The following PTPRD variants were observed in gnomAD, a reference collection of about 807,000 sequenced individuals.
PTPRD encodes the protein receptor-type tyrosine-protein phosphatase delta.
A neutral mutation model predicts 214.5 loss-of-function variants in PTPRD; 34 were observed. The ratio of observed to expected loss-of-function variants is 0.16; its 90% confidence interval spans 0.12 to 0.21. The LOEUF (loss-of-function observed/expected upper bound fraction) is 0.21. Ranked by LOEUF, PTPRD falls within the 10% of genes least tolerant of loss-of-function variation. The pLI is 1.00. For synonymous variants in PTPRD, 1,128 were observed against 845.7 expected, an observed-to-expected ratio of 1.33 and a Z score of -5.79; for missense variants, 2,545 against 2,398.7, an observed-to-expected ratio of 1.06 and a Z score of -1.27.
chr9:9,767,581 T>C (rs1328341933), intron 5 of PTPRD, among the ~76,000 whole-genome samples: 2 of 152,052 alleles, frequency 1.3e-5, no homozygotes, highest in African/African-American at 4.8e-5. Flanking sequence ...AGAACTCACA[T>C]TGCAAATGTG....
intron 8 of PTPRD, among the ~76,000 whole-genome samples, chr9:9,561,730 C>G (rs556091830): frequency 1.5e-4 from 23 of 152,308 alleles, no homozygotes; most frequent in African/African-American, 5.5e-4. Flanking sequence ...AAATCTGTTT[C>G]TCTTCAGAGG....
intron 10 of PTPRD, among the ~76,000 whole-genome samples, chr9:9,095,484 G>T (rs1308178822): frequency 6.6e-6 from 1 of 152,142 alleles, no homozygotes; most frequent in Non-Finnish European, 1.5e-5. Context: ...CAACACATTT[G>T]TAGTATATTA....
intron 4 of PTPRD, among the ~76,000 whole-genome samples, chr9:9,944,392 GGCTGGCACT>G (rs537217093): frequency 0.038 from 5,841 of 152,116 alleles, 137 homozygotes; most frequent in Non-Finnish European, 0.056. Flanking sequence ...CTAGCACTAA[GGCTGGCACT>G]TAAAATACAG....
intron 9 of PTPRD, among the ~76,000 whole-genome samples, chr9:9,262,494 T>C (rs2099980573): frequency 6.6e-6 from 1 of 151,536 alleles, no homozygotes; most frequent in South Asian, 2.1e-4. Context: ...AATAGTCACA[T>C]GTAGCTAAAG....
intron 3 of PTPRD, among the ~76,000 whole-genome samples, chr9:10,335,250 T>A (rs1035126138): frequency 6.6e-6 from 1 of 151,614 alleles, no homozygotes; most frequent in Non-Finnish European, 1.5e-5. Flanking sequence ...AAAAGATCAA[T>A]GGAACAGAAA....
intron 3 of PTPRD, among the ~76,000 whole-genome samples, chr9:10,299,372 T>C (rs1266551786): frequency 2.0e-5 from 3 of 152,160 alleles, no homozygotes; most frequent in African/African-American, 7.2e-5. Flanking sequence ...AGAACTTCCC[T>C]GGAAGGCAAG....
At chr9:10,133,625 AC>A (rs1322612781) in intron 3 of PTPRD, among the ~76,000 whole-genome samples, 1 of 152,128 alleles carries the variant, frequency 6.6e-6, no homozygotes, top group African/African-American at 2.4e-5. Flanking sequence ...ATGAAATATA[AC>A]TATAAGTCCA....
chr9:9,425,334 G>C (rs958746061), intron 8 of PTPRD, among the ~76,000 whole-genome samples: 3 of 149,798 alleles, frequency 2.0e-5, no homozygotes, highest in Non-Finnish European at 4.4e-5. Context: ...ATGGTGTGTA[G>C]TGCAGCAATA....
chr9:9,251,801 C>T (rs751466074), intron 9 of PTPRD, among the ~76,000 whole-genome samples: 1 of 152,028 alleles, frequency 6.6e-6, no homozygotes, highest in South Asian at 2.1e-4. Flanking sequence ...TGAGATATAA[C>T]TGCTCTAGAA....
At chr9:8,504,495 T>A in intron 22 of PTPRD, 90 bp from the exon 23 acceptor site, 1 of 1,427,706 alleles carries the variant, frequency 7.0e-7, no homozygotes, top group Non-Finnish European at 9.7e-7. Flanking sequence ...ATTTCTATCA[T>A]CAGGATTATA....
chr9:9,933,404 CA>C (rs1194197547), intron 5 of PTPRD, among the ~76,000 whole-genome samples: 1 of 151,414 alleles, frequency 6.6e-6, no homozygotes, highest in Non-Finnish European at 1.5e-5. Context: ...AAATGGAAAA[CA>C]AAAAAAGGCA....
At chr9:10,383,998 G>T (rs1458699704) in intron 2 of PTPRD, among the ~76,000 whole-genome samples, 1 of 150,672 alleles carries the variant, frequency 6.6e-6, no homozygotes, top group Non-Finnish European at 1.5e-5. Flanking sequence ...TGAAGACAGA[G>T]AGGAGAAGGA....
At position 9,353,625 on chromosome 9, in the gene PTPRD, T is replaced by TA. The variant is rs34921056; in HGVS notation, c.-203+43823dup. On this transcript the variant is annotated intron_variant, in intron 9 of 45. Coordinates refer to ENST00000381196, the MANE Select transcript of PTPRD (RefSeq NM_002839.4). ...TATATTGGCCTTGTTTTCATGCCTTTAAAAAAAAAAATCCTGCTTCTGAAA... is the reference window on the plus strand; with the variant it reads ...TATATTGGCCTTGTTTTCATGCCTTTAAAAAAAAAAAATCCTGCTTCTGAAA... Among the ~76,000 whole-genome samples the TA allele has an allele frequency of 5.1e-3, 753 of 147,622 alleles. 8 individuals carry two copies. Among genetic ancestry groups the TA allele is most frequent in the South Asian group, 0.019 (89 of 4,710 alleles).
At chr9:9,302,418 T>C (rs1441212971) in intron 9 of PTPRD, among the ~76,000 whole-genome samples, 1 of 151,796 alleles carries the variant, frequency 6.6e-6, no homozygotes, top group East Asian at 1.9e-4. Flanking sequence ...CAGCTGCATA[T>C]GCAAAACCAC....
chr9:9,509,798 T>A (rs1374619778), intron 8 of PTPRD, among the ~76,000 whole-genome samples: 1 of 71,630 alleles, frequency 1.4e-5, no homozygotes, highest in African/African-American at 7.5e-5. Context: ...AACTACCTTT[T>A]TATTTAAAAA....
chr9:9,433,264 G>C (rs566590928), intron 8 of PTPRD, among the ~76,000 whole-genome samples: 4 of 152,186 alleles, frequency 2.6e-5, no homozygotes, highest in African/African-American at 9.6e-5. Flanking sequence ...ATCAGGAACA[G>C]TTAAAGCTTA....
chr9:9,323,198 T>C (rs1348866390), intron 9 of PTPRD, among the ~76,000 whole-genome samples: 2 of 151,860 alleles, frequency 1.3e-5, no homozygotes, highest in Admixed American at 6.6e-5. Context: ...TCCAAATCAT[T>C]ACTCTGTATT....
intron 3 of PTPRD, among the ~76,000 whole-genome samples, chr9:10,311,140 C>T (rs576615776): frequency 2.6e-4 from 39 of 151,816 alleles, no homozygotes; most frequent in Non-Finnish European, 4.0e-4. Context: ...AATCAGCAGT[C>T]TTCCCTTCCT....
At chr9:10,278,916 A>G (rs531665132) in intron 3 of PTPRD, among the ~76,000 whole-genome samples, 65 of 152,158 alleles carry the variant, frequency 4.3e-4, no homozygotes, top group African/African-American at 1.3e-3. Context: ...CTGGGACTAC[A>G]GGCACACACC....
Sources: gnomAD v4.1 joint callset for allele counts (sites outside exome capture counted in the v4.1 genomes callset) on GRCh38, gnomAD v4.1.1 for gene constraint, MANE v1.5 for transcripts, NCBI Gene and HGNC (gene_info 2026-07-23, HGNC 2026-07-21) for gene names.